The following NECTIN3 variants were observed in gnomAD, a reference collection of about 807,000 sequenced individuals.
NECTIN3 encodes nectin cell adhesion molecule 3, also known as nectin-3.
In NECTIN3, 8 loss-of-function variants were observed where a neutral mutation model predicts 49.4. The ratio of observed to expected loss-of-function variants is 0.16; its 90% CI spans 0.10 to 0.29. The LOEUF is 0.29. Ranked by LOEUF, NECTIN3 falls within the 10% of genes least tolerant of loss-of-function variation. The pLI is 1.00. For synonymous variants in NECTIN3, 277 were observed against 241.1 expected, an observed-to-expected ratio of 1.15 and a Z score of -1.38; for missense variants, 581 against 654.6, an observed-to-expected ratio of 0.89 and a Z score of 1.23.
At chr3:111,119,342 A>G (rs971003498) in intron 3 of NECTIN3, among the ~76,000 whole-genome samples, 24 of 152,252 alleles carry the variant, frequency 1.6e-4, no homozygotes, top group East Asian at 1.2e-3. Flanking sequence ...TTTGAGATGG[A>G]ATCTTGCTCT....
chr3:111,152,452 T>C (rs2035019650), intron 7 of NECTIN3, among the ~76,000 whole-genome samples: 1 of 151,912 alleles, frequency 6.6e-6, no homozygotes, highest in African/African-American at 2.4e-5. Flanking sequence ...CATGTACATA[T>C]GATTGTAATT....
At chr3:111,114,604 G>T (rs1379999304) in intron 2 of NECTIN3, among the ~76,000 whole-genome samples, 3 of 152,140 alleles carry the variant, frequency 2.0e-5, no homozygotes, top group East Asian at 3.9e-4. Context: ...TGGTAGTCAA[G>T]AAATATTTCG....
At chr3:111,108,385 T>C (rs1370816515) in intron 1 of NECTIN3, among the ~76,000 whole-genome samples, 1 of 152,052 alleles carries the variant, frequency 6.6e-6, no homozygotes, top group African/African-American at 2.4e-5. Flanking sequence ...AAATACAATT[T>C]TGAACCAATG....
Position 111,134,528 on chromosome 3 carries a change from T to G in NECTIN3, c.*313T>G, listed in dbSNP as rs2034510238. ...ATGTATGACTTACTTGGTACAAAAATTTTTTAAAAAGGGAACTACCTTGAC... is the reference window on the plus strand; with the variant it reads ...ATGTATGACTTACTTGGTACAAAAAGTTTTTAAAAAGGGAACTACCTTGAC... On this transcript the variant is annotated 3_prime_UTR_variant, in exon 6 of 6. Transcript: ENST00000485303. 2 of 1,000,680 alleles carry G rather than the reference T, an allele frequency of 2.0e-6. No individual in the cohort carries two copies. Among genetic ancestry groups the G allele is most frequent in the African/African-American group, 3.5e-5 (2 of 57,878 alleles). The allele number at this position is 1,000,680 out of a possible 1,614,324, so 62.0% of individuals were successfully genotyped here. A position where few individuals can be genotyped will look rare whatever the true frequency, so the allele number is the denominator to read the frequency against.
intron 3 of NECTIN3, among the ~76,000 whole-genome samples, chr3:111,121,284 A>T (rs1465016292): frequency 1.3e-5 from 2 of 151,404 alleles, no homozygotes; most frequent in African/African-American, 2.4e-5. Context: ...AAGTGCTGGG[A>T]TTACAGGCGT....
intron 7 of NECTIN3, among the ~76,000 whole-genome samples, chr3:111,150,745 CAT>C (rs1217002414): frequency 1.3e-5 from 2 of 151,434 alleles, no homozygotes; most frequent in Non-Finnish European, 3.0e-5. Flanking sequence ...AACTAAACAA[CAT>C]ATTACGGTAG....
intron 5 of NECTIN3, among the ~76,000 whole-genome samples, chr3:111,127,049 A>G (rs924613859): frequency 6.6e-6 from 1 of 152,238 alleles, no homozygotes; most frequent in African/African-American, 2.4e-5. Context: ...TAAAAATTCA[A>G]TAAAATATTT....
At chr3:111,193,246 T>C (rs1576192366) in intron 1 of NECTIN3, 1 of 1,535,844 alleles carries the variant, frequency 6.5e-7, no homozygotes, top group South Asian at 1.2e-5. Context: ...GAGAATCCAG[T>C]TGGGGAAGAT....
intron 7 of NECTIN3, among the ~76,000 whole-genome samples, chr3:111,185,593 G>A (rs2035705516): frequency 6.6e-6 from 1 of 152,298 alleles, no homozygotes; most frequent in African/African-American, 2.4e-5. Context: ...GTGCCTTGTG[G>A]AGTTATAAGC....
At chr3:111,132,672 G>C (rs1476700196) in intron 5 of NECTIN3, among the ~76,000 whole-genome samples, 3 of 151,668 alleles carry the variant, frequency 2.0e-5, no homozygotes, top group Non-Finnish European at 4.4e-5. Context: ...TATTTACTCT[G>C]TTATCTAATG....
At position 111,112,192 on chromosome 3, in the gene NECTIN3, A is replaced by G. The variant is rs1370012514; in HGVS notation, c.323A>G (p.Gln108Arg). The G allele has an allele frequency of 6.2e-7, 1 of 1,613,942 alleles. No individual in the cohort carries two copies. Residue 108 changes from glutamine (Q) to arginine (R), a missense_variant, in exon 2 of 6, where the codon CAA becomes CGA. Physicochemically the swap from Gln to Arg is conservative, Grantham distance 43. Coordinates refer to ENST00000485303, the MANE Select transcript of NECTIN3 (RefSeq NM_015480.3). ...CAGACTGTTGCAGTTCACCATCCCC[A>G]ATATGGATTCTCTGTTCAAGGAGAA... ...SSQTVAVHHP[Q>R]YGFSVQGEYQ...
intron 7 of NECTIN3, among the ~76,000 whole-genome samples, chr3:111,182,876 T>C (rs2035650949): frequency 1.3e-5 from 2 of 152,106 alleles, no homozygotes; most frequent in South Asian, 4.1e-4. Flanking sequence ...GTCCATCATC[T>C]TGTTATTTGT....
At chr3:111,072,412 CCGTGCGGATGGCCGAGGGTTGG>C (rs1312245889) in intron 1 of NECTIN3, 7 of 1,523,676 alleles carry the variant, frequency 4.6e-6, no homozygotes, top group Admixed American at 4.0e-5. Context: ...GCGCGGGTCG[CCGTGCGGATGGCCGAGGGTTGG>C]CGATGGTGCT....
At chr3:111,129,954 ATT>A (rs547491944) in intron 5 of NECTIN3, among the ~76,000 whole-genome samples, 52 of 131,532 alleles carry the variant, frequency 4.0e-4, no homozygotes, top group East Asian at 4.5e-4. Flanking sequence ...CCAGCAGAGA[ATT>A]TTTTTTTTTT....
At chr3:111,137,731 G>T (rs951902467), downstream of NECTIN3, among the ~76,000 whole-genome samples, 1 of 148,456 alleles carries the variant, frequency 6.7e-6, no homozygotes, top group Non-Finnish European at 1.5e-5. Flanking sequence ...ATATCAGATT[G>T]AGGATAGTTG....
Position 111,152,952 on chromosome 3 carries a change from C to A in NECTIN3, c.1221+5468C>A, listed in dbSNP as rs372184009. On this transcript the variant is annotated intron_variant, in intron 7 of 8. Coordinates refer to the NECTIN3 transcript ENST00000493615. ...TAGGTAGGCTGCTTTTGTTAGTAAT[C>A]ATTGATGGTCTTATTTTCTCCCAGG... Among the ~76,000 whole-genome samples, 6 of 151,860 alleles carry A rather than the reference C, an allele frequency of 4.0e-5. No homozygotes were observed. The East Asian group carries it at 1.2e-3, about 29-fold the overall frequency.
At chr3:111,074,380 G>C (rs1482535007) in intron 1 of NECTIN3, 1 of 351,768 alleles carries the variant, frequency 2.8e-6, no homozygotes, top group African/African-American at 2.1e-5. Context: ...TTTTAGAGTT[G>C]AAAAGATTTT....
intron 5 of NECTIN3, among the ~76,000 whole-genome samples, chr3:111,142,954 C>A (rs963451671): frequency 1.3e-5 from 2 of 151,776 alleles, no homozygotes; most frequent in Non-Finnish European, 3.0e-5. Flanking sequence ...AAATAACGTA[C>A]TTGACAATTA....
At chr3:111,121,063 C>T (rs1450992329) in intron 3 of NECTIN3, among the ~76,000 whole-genome samples, 1 of 140,190 alleles carries the variant, frequency 7.1e-6, no homozygotes, top group African/African-American at 2.7e-5. Flanking sequence ...AGTGCAGTGG[C>T]GCGAACTAGG....
Sources: gnomAD v4.1 joint callset for allele counts (sites outside exome capture counted in the v4.1 genomes callset) on GRCh38, gnomAD v4.1.1 for gene constraint, MANE v1.5 for transcripts, NCBI Gene and HGNC (gene_info 2026-07-23, HGNC 2026-07-21) for gene names.